KDM4B: variants seen among roughly 807,000 people sequenced by gnomAD.
KDM4B encodes the protein lysine demethylase 4B.
KDM4B carries 32 observed loss-of-function variants against 125.2 expected under a neutral mutation model. The ratio of observed to expected loss-of-function variants is 0.26; its 90% CI spans 0.19 to 0.34. The LOEUF (loss-of-function observed/expected upper bound fraction) is 0.34. KDM4B is among the 10% of genes least tolerant of loss of function. The pLI, the probability that KDM4B is intolerant of heterozygous loss-of-function variation, is 1.00. For synonymous variants in KDM4B, 721 were observed against 677.9 expected, an observed-to-expected ratio of 1.06 and a Z score of -0.99; for missense variants, 1,190 against 1,577.7, an observed-to-expected ratio of 0.75 and a Z score of 4.16.
intron 3 of KDM4B, among the ~76,000 whole-genome samples, chr19:5,033,990 G>T (rs2036538874): frequency 1.3e-5 from 2 of 152,070 alleles, no homozygotes; most frequent in Admixed American, 1.3e-4. Context: ...AATGAGCCAG[G>T]CGTGGTGTTG....
chr19:5,147,904 C>T (rs1057242835), intron 21 of KDM4B, among the ~76,000 whole-genome samples: 10 of 152,178 alleles, frequency 6.6e-5, no homozygotes, highest in Non-Finnish European at 1.2e-4. Flanking sequence ...ATCATGCAAA[C>T]GCCCGCTGTG....
Position 5,119,044 on chromosome 19 carries a change from G to C in KDM4B, c.1116-609G>C, listed in dbSNP as rs1383877031. On this transcript the variant is annotated intron_variant, in intron 10 of 22. Transcript: ENST00000159111. ...ACCCAGGGAGTTGGGGACAGAGCCA[G>C]GTGGCCAGGACCAGGCGTCCTGGGG... is the stretch of plus-strand genomic sequence containing the variant. The C allele has an allele frequency of 2.8e-5, 24 of 861,384 alleles. No homozygotes were observed. In the South Asian group the frequency reaches 3.6e-4, roughly 13 times the overall value. The allele number at this position is 861,384 out of a possible 1,614,324, so 53.4% of individuals were successfully genotyped here. A position where few individuals can be genotyped will look rare whatever the true frequency, so the allele number is the denominator to read the frequency against.
At chr19:5,055,610 G>A (rs2037370598) in intron 6 of KDM4B, among the ~76,000 whole-genome samples, 1 of 152,056 alleles carries the variant, frequency 6.6e-6, no homozygotes, top group South Asian at 2.1e-4. Context: ...CGGTGGGCCC[G>A]TGATGGGGGC....
intron 9 of KDM4B, among the ~76,000 whole-genome samples, chr19:5,096,765 G>A (rs890174573): frequency 5.3e-5 from 8 of 150,130 alleles, no homozygotes; most frequent in African/African-American, 1.5e-4. Flanking sequence ...TGTCGGTGGC[G>A]CGTGTTGCCG....
chr19:5,149,087 C>T (rs999223116), intron 21 of KDM4B, among the ~76,000 whole-genome samples: 3 of 152,232 alleles, frequency 2.0e-5, no homozygotes, highest in East Asian at 1.9e-4. Context: ...CCAGGGCCTA[C>T]GTCTGTCTCC....
chr19:5,011,488 T>G (rs953063043), intron 1 of KDM4B, among the ~76,000 whole-genome samples: 2 of 152,102 alleles, frequency 1.3e-5, no homozygotes, highest in Admixed American at 1.3e-4. Context: ...GCAGAGCCCC[T>G]GGAAAAAGGA....
intron 18 of KDM4B, among the ~76,000 whole-genome samples, chr19:5,139,174 G>C (rs1194937856): frequency 6.6e-6 from 1 of 152,112 alleles, no homozygotes; most frequent in East Asian, 1.9e-4. Context: ...TTCCTGCCTT[G>C]GCCTCCTGGG....
rs1464744445 is a variant in KDM4B, at chr19:5,065,732, A to AGCTCCG, written c.627-5267_627-5262dup. Among the ~76,000 whole-genome samples the AGCTCCG allele has an allele frequency of 1.4e-4, 21 of 152,322 alleles. No individual in the cohort carries two copies. In the Middle Eastern group the frequency reaches 0.01, roughly 74 times the overall value. Reference sequence around the variant, plus strand: ...GCTTTCATTCCCTGGTTCCGGCTCCAGCTCCGGCTCCGGCTCATGAGCTGC... The same window carrying AGCTCCG: ...GCTTTCATTCCCTGGTTCCGGCTCCAGCTCCGGCTCCGGCTCCGGCTCATGAGCTGC... On this transcript the variant is annotated intron_variant, in intron 6 of 22. Transcript: ENST00000159111.
chr19:5,138,623 T>A (rs2039690295), intron 18 of KDM4B, among the ~76,000 whole-genome samples: 1 of 152,112 alleles, frequency 6.6e-6, no homozygotes, highest in Non-Finnish European at 1.5e-5. Flanking sequence ...ACCATTACAC[T>A]GCAGCCTAGA....
At chr19:5,119,592 A>C in intron 10 of KDM4B, 61 bp from the exon 11 acceptor site, 10 of 1,469,634 alleles carry the variant, frequency 6.8e-6, no homozygotes, top group Non-Finnish European at 8.4e-6. Flanking sequence ...GACAGAGTGC[A>C]CAGACCTAGG....
At chr19:5,119,180 T>C in intron 10 of KDM4B, 2 of 1,535,378 alleles carry the variant, frequency 1.3e-6, no homozygotes, top group Non-Finnish European at 1.7e-6. Flanking sequence ...AAACCAAGTC[T>C]AGAAAGGAAG....
chr19:5,112,150 G>A (rs1037199082), intron 10 of KDM4B: 1 of 285,926 alleles, frequency 3.5e-6, no homozygotes. Context: ...CTACTGAGAA[G>A]GCTGAGGCAG....
chr19:5,144,049 T>C lies in KDM4B; in HGVS notation c.2633T>C (p.Phe878Ser). 6.2e-7 allele frequency: 1 copy of C among 1,606,338 alleles called. No individual in the cohort carries two copies. Among genetic ancestry groups the C allele is most frequent in the Non-Finnish European group, 8.5e-7 (1 of 1,174,388 alleles). Residue 878 changes from phenylalanine to serine, a missense_variant, in exon 19 of 23, where the codon TTC becomes TCC. Transcript: ENST00000159111. Reference sequence around the variant, plus strand: ...TCCTACGAGCACTGCTCCACGTCCTTCCACGTGACCTGCGCCCACGCCGCA... The same window carrying C: ...TCCTACGAGCACTGCTCCACGTCCTCCCACGTGACCTGCGCCCACGCCGCA... ...QCSYEHCSTS[F>S]HVTCAHAAGV...
chr19:5,148,525 T>TGAATCACTGTGTGCCACGCCTGCCA (rs2039890342), intron 21 of KDM4B, among the ~76,000 whole-genome samples: 1 of 152,186 alleles, frequency 6.6e-6, no homozygotes, highest in Admixed American at 6.5e-5. Flanking sequence ...TGTGCCTGAC[T>TGAATCACTGTGTGCCACGCCTGCCA]GAATCACTGT....
In KDM4B at chr19:4,981,876, G is replaced by A. The variant is rs73536574; in HGVS notation, c.-109+12646G>A. 8.5e-5 allele frequency among the ~76,000 whole-genome samples: 13 copies of A among 152,278 alleles called. No individual in the cohort carries two copies. The East Asian group carries it at 1.4e-3, about 16-fold the overall frequency. On this transcript the variant is annotated intron_variant, in intron 1 of 22. Transcript: ENST00000159111. Reference sequence around the variant, plus strand: ...ATGGGAAGACCCCATGGCAGGGGGCGGTCACGTAACTAAACACTACCAAGT... The same window carrying A: ...ATGGGAAGACCCCATGGCAGGGGGCAGTCACGTAACTAAACACTACCAAGT...
chr19:4,984,466 C>T (rs552457524), intron 1 of KDM4B, among the ~76,000 whole-genome samples: 5 of 152,070 alleles, frequency 3.3e-5, no homozygotes, highest in South Asian at 2.1e-4. Flanking sequence ...GTGGGTTGGC[C>T]GGGGTTTTAT....
chr19:5,110,521 T>C, intron 9 of KDM4B, 101 bp from the exon 10 acceptor site: 1 of 1,093,974 alleles, frequency 9.1e-7, no homozygotes, highest in Non-Finnish European at 1.4e-6. Flanking sequence ...GGATGGGGTG[T>C]GGGAGGCCCG....
At chr19:5,016,361 C>A (rs995707594) in intron 2 of KDM4B, 22 bp downstream of exon 2, 1 of 152,364 alleles carries the variant, frequency 6.6e-6, no homozygotes, top group African/African-American at 2.4e-5. Flanking sequence ...GGGCCTGGCC[C>A]CCAGGTGGCC....
chr19:5,117,814 T>C (rs918550540), intron 10 of KDM4B, among the ~76,000 whole-genome samples: 1 of 151,944 alleles, frequency 6.6e-6, no homozygotes, highest in African/African-American at 2.4e-5. Flanking sequence ...GTGTGCACCA[T>C]GCTGTGTGAT....
Sources: gnomAD v4.1 joint callset for allele counts (sites outside exome capture counted in the v4.1 genomes callset) on GRCh38, gnomAD v4.1.1 for gene constraint, MANE v1.5 for transcripts, NCBI Gene and HGNC (gene_info 2026-07-23, HGNC 2026-07-21) for gene names.